ATG16L1: variants seen among roughly 807,000 people sequenced by gnomAD.
ATG16L1 encodes autophagy-related protein 16-1.
In ATG16L1, 37 loss-of-function variants were observed where a neutral mutation model predicts 88.5. The ratio of observed to expected loss-of-function variants is 0.42; its 90% CI spans 0.32 to 0.55. The LOEUF (loss-of-function observed/expected upper bound fraction) is 0.55, where lower values mean the gene tolerates loss of function less well. ATG16L1 is among the 20% of genes least tolerant of loss of function. The probability of loss-of-function intolerance (pLI) is 0.13; values close to 1 mark genes in which losing one functional copy is unlikely to be tolerated. For missense variants in ATG16L1, 554 were observed against 752.8 expected, an observed-to-expected ratio of 0.74 and a Z score of 3.09; for synonymous variants, 301 against 281.0, an observed-to-expected ratio of 1.07 and a Z score of -0.71.
chr2:233,286,416 T>C (rs937742889), intron 12 of ATG16L1, among the ~76,000 whole-genome samples: 1 of 152,112 alleles, frequency 6.6e-6, no homozygotes, highest in Non-Finnish European at 1.5e-5. Flanking sequence ...AAAAGTGTTG[T>C]TAATCATAAA....
At chr2:233,252,160 G>A (rs1174270438) in intron 1 of ATG16L1, among the ~76,000 whole-genome samples, 1 of 152,244 alleles carries the variant, frequency 6.6e-6, no homozygotes, top group African/African-American at 2.4e-5. Context: ...TACGATCTTT[G>A]TGGGGAGGCA....
chr2:233,291,478 G>A (rs1559415193), intron 14 of ATG16L1, among the ~76,000 whole-genome samples: 1 of 152,278 alleles, frequency 6.6e-6, no homozygotes, highest in Non-Finnish European at 1.5e-5. Context: ...AAGGTGGGAG[G>A]TAGGAAAAGG....
At chr2:233,270,325 A>C (rs1013133145) in intron 6 of ATG16L1, among the ~76,000 whole-genome samples, 3 of 152,170 alleles carry the variant, frequency 2.0e-5, no homozygotes, top group Admixed American at 6.5e-5. Context: ...TAACATCCAT[A>C]TATCATTTTA....
intron 12 of ATG16L1, chr2:233,289,029 C>G: frequency 2.4e-6 from 1 of 420,422 alleles, no homozygotes; most frequent in East Asian, 5.9e-5. Flanking sequence ...GTGACCTTGT[C>G]TAGTCTGACT....
At chr2:233,263,356 A>G (rs1697348111) in intron 3 of ATG16L1, 121 bp downstream of exon 3, 1 of 812,418 alleles carries the variant, frequency 1.2e-6, no homozygotes, top group African/African-American at 1.7e-5. Flanking sequence ...TGGCATCAAA[A>G]GTCCCCTCCA....
At chr2:233,279,104 G>A (rs1698560373) in intron 10 of ATG16L1, among the ~76,000 whole-genome samples, 1 of 152,126 alleles carries the variant, frequency 6.6e-6, no homozygotes, top group Non-Finnish European at 1.5e-5. Context: ...ATTGAGCCCA[G>A]GAGTGAGAGG....
intron 5 of ATG16L1, among the ~76,000 whole-genome samples, chr2:233,265,620 C>T (rs1697512564): frequency 6.6e-6 from 1 of 152,168 alleles, no homozygotes; most frequent in South Asian, 2.1e-4. Flanking sequence ...CAGGCATACA[C>T]CACCACGCCT....
chr2:233,256,044 A>G, intron 1 of ATG16L1, 58 bp from the exon 2 acceptor site: 1 of 1,369,230 alleles, frequency 7.3e-7, no homozygotes, highest in Non-Finnish European at 1.0e-6. Flanking sequence ...GTAGGTACCT[A>G]GCAAGTGTAC....
Position 233,256,187 on chromosome 2 carries a change from C to T in ATG16L1, c.201C>T (p.His67=), listed in dbSNP as rs781407838. 4.3e-6 allele frequency: 7 copies of T among 1,613,092 alleles called. No homozygotes were observed. Among genetic ancestry groups the T allele is most frequent in the Admixed American group, 1.7e-5 (1 of 59,964 alleles). ...AAAAGCATGACGTACCAAACAGGCA[C>T]GAGATAAGGTATTTTGAAACTAACT... is the stretch of plus-strand genomic sequence containing the variant. ...QAEKHDVPNR[H]EISPGHDGTW... The change falls in exon 2 of 18, where the codon CAC becomes CAT. Residue 67 remains histidine, a synonymous_variant. Transcript: ENST00000392017.
At chr2:233,274,472 C>T in intron 8 of ATG16L1, 1 of 501,396 alleles carries the variant, frequency 2.0e-6, no homozygotes, top group South Asian at 2.8e-5. Context: ...GAGAGTAAGG[C>T]ATGTGCTGGC....
chr2:233,289,828 C>T (rs77096996), intron 12 of ATG16L1, 26 bp from the exon 13 acceptor site: 16,736 of 1,607,430 alleles, frequency 0.01, 126 homozygotes, highest in Admixed American at 0.026. Flanking sequence ...CCCTGAGGCT[C>T]ACCCTGGCTG....
At chr2:233,282,480 C>G (rs1317655674) in intron 11 of ATG16L1, among the ~76,000 whole-genome samples, 1 of 151,886 alleles carries the variant, frequency 6.6e-6, no homozygotes, top group Non-Finnish European at 1.5e-5. Context: ...TGAAATTGAG[C>G]AAGCTCAGAA....
intron 6 of ATG16L1, among the ~76,000 whole-genome samples, chr2:233,270,330 A>T (rs1022818589): frequency 1.3e-5 from 2 of 152,138 alleles, no homozygotes; most frequent in African/African-American, 4.8e-5. Flanking sequence ...TCCATATATC[A>T]TTTTAATTGT....
chr2:233,280,794 G>A (rs1018815667), intron 10 of ATG16L1, among the ~76,000 whole-genome samples: 13 of 152,192 alleles, frequency 8.5e-5, no homozygotes, highest in African/African-American at 3.1e-4. Context: ...TAGTTTGATT[G>A]ACATGGTTTA....
At chr2:233,266,336 G>A (rs538990798) in intron 5 of ATG16L1, among the ~76,000 whole-genome samples, 26 of 152,294 alleles carry the variant, frequency 1.7e-4, no homozygotes, top group African/African-American at 6.3e-4. Context: ...GTATGTGCTT[G>A]TGGCCTCAGC....
intron 9 of ATG16L1, chr2:233,275,668 C>T (rs546305871): frequency 5.0e-5 from 25 of 499,764 alleles, no homozygotes; most frequent in Middle Eastern, 3.3e-4. Flanking sequence ...GGCGCATCAA[C>T]GCCCCTTCCC....
Position 233,289,847 on chromosome 2 carries a change from C to T in ATG16L1, c.1204-7C>T, listed in dbSNP as rs763745188. 1.7e-5 allele frequency: 28 copies of T among 1,613,964 alleles called. No individual in the cohort carries two copies. Among genetic ancestry groups the T allele is most frequent in the Admixed American group, 3.3e-5 (2 of 60,012 alleles). On this transcript the variant is annotated splice_region_variant and splice_polypyrimidine_tract_variant and intron_variant, in intron 12 of 17. Transcript: ENST00000392017. The stretch of plus-strand genomic sequence containing the variant: ...GAGGCTCACCCTGGCTGTGTTCTCT[C>T]TCCTAGCACACACTCACGGGACACA...
rs888428807 is a variant in ATG16L1, at chr2:233,295,364, C to T, written c.*1014C>T. The T allele has an allele frequency of 3.3e-5, 5 of 152,730 alleles. No homozygotes were observed. Among genetic ancestry groups the T allele is most frequent in the Non-Finnish European group, 7.3e-5 (5 of 68,028 alleles). The allele number at this position is 152,730 out of a possible 1,614,324, so 9.5% of individuals were successfully genotyped here. A position where few individuals can be genotyped will look rare whatever the true frequency, so the allele number is the denominator to read the frequency against. On this transcript the variant is annotated 3_prime_UTR_variant, in exon 18 of 18. Coordinates refer to ENST00000392017, the MANE Select transcript of ATG16L1 (RefSeq NM_030803.7). Reference sequence around the variant, plus strand: ...TTAGTTCATTGGGTGTGCGAAACACCCTTTTTATCACTTTTAAATTTGCAC... The same window carrying T: ...TTAGTTCATTGGGTGTGCGAAACACTCTTTTTATCACTTTTAAATTTGCAC...
intron 2 of ATG16L1, among the ~76,000 whole-genome samples, chr2:233,258,409 A>G (rs1389746737): frequency 6.6e-6 from 1 of 152,224 alleles, no homozygotes; most frequent in Non-Finnish European, 1.5e-5. Context: ...CAGAGAACAG[A>G]TGGCTTGGCA....
Sources: gnomAD v4.1 joint callset for allele counts (sites outside exome capture counted in the v4.1 genomes callset) on GRCh38, gnomAD v4.1.1 for gene constraint, MANE v1.5 for transcripts, NCBI Gene and HGNC (gene_info 2026-07-23, HGNC 2026-07-21) for gene names.